Variants in C12orf57 observed in about 807,000 individuals in gnomAD.
The protein encoded by C12orf57 is chromosome 12 open reading frame 57, also known as protein C10.
In C12orf57, 14 loss-of-function variants were observed where a neutral mutation model predicts 11.3. The observed-to-expected ratio is 1.24, with a 90% CI of 0.82 to 1.94. The LOEUF is 1.94. C12orf57 is among the 30% of genes most tolerant of loss of function. The pLI, the probability that C12orf57 is intolerant of heterozygous loss-of-function variation, is 0.00. For missense variants in C12orf57, 229 were observed against 172.4 expected (o/e 1.33, Z -1.84); for synonymous variants, 100 against 74.6 (o/e 1.34, Z -1.76).
At chr12:6,943,877 C>A (rs148496170), upstream of C12orf57, 18 of 994,916 alleles carry the variant, frequency 1.8e-5, no homozygotes, top group Middle Eastern at 6.6e-4. Flanking sequence ...CGGAAAGCCC[C>A]TCTTATGATG....
upstream of C12orf57, chr12:6,943,846 G>C (rs190235178): frequency 2.7e-5 from 24 of 902,024 alleles, no homozygotes; most frequent in Admixed American, 1.6e-4. Context: ...AATTTGTCTA[G>C]TAGGCTTTCT....
chr12:6,943,825 A>G (rs906666170), upstream of C12orf57: 6 of 853,868 alleles, frequency 7.0e-6, no homozygotes, highest in South Asian at 3.6e-5. Context: ...GCAGTGTTAC[A>G]GCTCTTTTAG....
chr12:6,945,884 C>G lies in C12orf57; in HGVS notation c.343C>G (p.His115Asp), dbSNP rs1265704398. Residue 115 changes from histidine (H) to aspartate (D), a missense_variant, in exon 3 of 3, where the codon CAT becomes GAT. Transcript: ENST00000229281. ...LFLPPMTLPPHGPAAGGSVAA... is the reference protein window; with the variant it reads ...LFLPPMTLPPDGPAAGGSVAA... ...TCTGCCGCCCATGACCCTGCCACCCCATGGGCCTGCTGCTGGTGGCAGCGT... is the reference window on the plus strand; with the variant it reads ...TCTGCCGCCCATGACCCTGCCACCCGATGGGCCTGCTGCTGGTGGCAGCGT... The G allele has an allele frequency of 1.2e-6, 2 of 1,613,380 alleles. No individual in the cohort carries two copies. Among genetic ancestry groups the G allele is most frequent in the Admixed American group, 3.3e-5 (2 of 59,970 alleles).
At chr12:6,944,801 GC>G in intron 2 of C12orf57, 149 bp downstream of exon 2, 1 of 1,497,626 alleles carries the variant, frequency 6.7e-7, no homozygotes, top group Non-Finnish European at 8.9e-7. Context: ...GGCACTCAGA[GC>G]CCAGGGTCTA....
chr12:6,943,882 A>C (rs1022366860), upstream of C12orf57: 1 of 1,011,990 alleles, frequency 9.9e-7, no homozygotes. Flanking sequence ...AGCCCCTCTT[A>C]TGATGTTTGT....
intron 1 of C12orf57, 99 bp downstream of exon 1, chr12:6,944,272 C>G (rs1945732038): frequency 7.5e-6 from 12 of 1,604,966 alleles, no homozygotes; most frequent in Non-Finnish European, 1.0e-5. Flanking sequence ...TGTGGGGCGA[C>G]AAACCTGGCT....
chr12:6,943,885 A>T (rs183990197), upstream of C12orf57: 153 of 1,027,548 alleles, frequency 1.5e-4, no homozygotes, highest in African/African-American at 2.3e-3. Context: ...CCCTCTTATG[A>T]TGTTTGTTGC....
chr12:6,943,892 T>C (rs192476192), upstream of C12orf57: 196 of 1,068,370 alleles, frequency 1.8e-4, no homozygotes, highest in African/African-American at 1.0e-3. Flanking sequence ...ATGATGTTTG[T>C]TGCCAATGAT....
Position 6,945,993 on chromosome 12 carries a change from C to G in C12orf57, c.*71C>G, listed in dbSNP as rs1012789471. ...ATGTTCCAGACAATAATAAATGCGC[C>G]TGTGACTTAGCCTTGGTGTCAGTCT... On this transcript the variant is annotated 3_prime_UTR_variant, in exon 3 of 3. Coordinates refer to ENST00000229281, the MANE Select transcript of C12orf57 (RefSeq NM_138425.4). The G allele has an allele frequency of 2.0e-6, 3 of 1,524,412 alleles. No individual in the cohort carries two copies. Among genetic ancestry groups the G allele is most frequent in the East Asian group, 2.4e-5 (1 of 41,532 alleles). 94.4% of individuals were successfully genotyped at this position (1,524,412 alleles called of 1,614,324 possible). A position where few individuals can be genotyped will look rare whatever the true frequency, so the allele number is the denominator to read the frequency against.
chr12:6,943,851 C>T (rs116861153), upstream of C12orf57: 2,730 of 900,868 alleles, frequency 3.0e-3, 15 homozygotes, highest in African/African-American at 0.014. Flanking sequence ...GTCTAGTAGG[C>T]TTTCTGGCTT....
At position 6,944,548 on chromosome 12, in the gene C12orf57, A is replaced by G; in HGVS notation, c.125A>G (p.Asn42Ser). 1 of 1,614,086 alleles carries G rather than the reference A, an allele frequency of 6.2e-7. No individual in the cohort carries two copies. The highest frequency in any genetic ancestry group is 2.2e-5 in the East Asian group (1 of 44,884). The change falls in exon 2 of 3, where the codon AAC becomes AGC. Residue 42 changes from asparagine to serine, a missense_variant. Physicochemically the swap from Asn to Ser is conservative, Grantham distance 46. Coordinates refer to ENST00000229281, the MANE Select transcript of C12orf57 (RefSeq NM_138425.4). ...GTGCGCATGGACGAGGCTCGGGATA[A>G]CGCCTGCAACGACATGGGTAAGATG... is the stretch of plus-strand genomic sequence containing the variant. ...NAVRMDEARD[N>S]ACNDMGKMLQ... is the part of the protein sequence containing the mutation.
At chr12:6,945,035 C>T (rs1203057550) in intron 2 of C12orf57, 1 of 429,576 alleles carries the variant, frequency 2.3e-6, no homozygotes, top group Non-Finnish European at 3.9e-6. Context: ...ATATAATAGT[C>T]TGAATAATTT....
chr12:6,944,959 A>C (rs1555146243), intron 2 of C12orf57: 1 of 999,142 alleles, frequency 1.0e-6, no homozygotes. Context: ...TGGGACCTAA[A>C]TCTGAACACG....
chr12:6,943,850 G>C (rs1055698058), upstream of C12orf57: 2 of 895,912 alleles, frequency 2.2e-6, no homozygotes, highest in African/African-American at 1.7e-5. Flanking sequence ...TGTCTAGTAG[G>C]CTTTCTGGCT....
rs373179163 is a variant in C12orf57 at position 6,944,096 on chromosome 12, G to A, written c.-26G>A. On this transcript the variant is annotated 5_prime_UTR_variant, in exon 1 of 3. Transcript: ENST00000229281. ...ATTCGTGAGTTTTCCATTTACCTCC[G>A]CTGAACCTAGAGCTTCAGACGCCCT... 191 of 1,614,118 alleles carry A rather than the reference G, an allele frequency of 1.2e-4. 1 individual carries two copies. In the African/African-American group the frequency reaches 1.8e-3, roughly 15 times the overall value.
In C12orf57 at chr12:6,944,814, C is replaced by T. The variant is rs983199589; in HGVS notation, c.229+162C>T. On this transcript the variant is annotated intron_variant, in intron 2 of 2. Transcript: ENST00000229281. Reference sequence around the variant, plus strand: ...TTGGCACTCAGAGCCCAGGGTCTACCCTGAGCTTGTGCGTCCGAGTTGCGT... The same window carrying T: ...TTGGCACTCAGAGCCCAGGGTCTACTCTGAGCTTGTGCGTCCGAGTTGCGT... 6 of 1,463,338 alleles carry T rather than the reference C, an allele frequency of 4.1e-6. No individual in the cohort carries two copies. The African/African-American group carries it at 4.3e-5, about 10-fold the overall frequency. 90.6% of individuals were successfully genotyped at this position (1,463,338 alleles called of 1,614,324 possible). A position where few individuals can be genotyped will look rare whatever the true frequency, so the allele number is the denominator to read the frequency against.
chr12:6,945,742 A>G (rs781886883), intron 2 of C12orf57, 29 bp from the exon 3 acceptor site: 1 of 1,610,998 alleles, frequency 6.2e-7, no homozygotes, highest in Non-Finnish European at 8.5e-7. Flanking sequence ...TCCTTAGGAG[A>G]AGGGTTGACC....
intron 1 of C12orf57, 43 bp from the exon 2 acceptor site, chr12:6,944,433 A>G (rs1555145957): frequency 3.1e-6 from 5 of 1,595,144 alleles, no homozygotes; most frequent in Non-Finnish European, 4.3e-6. Flanking sequence ...CTGTTCTCCG[A>G]CGCCTACCCG....
At chr12:6,943,988 G>A (rs782394220), upstream of C12orf57, 37 of 1,586,498 alleles carry the variant, frequency 2.3e-5, no homozygotes, top group Middle Eastern at 1.8e-4. Flanking sequence ...TTTGGGCCAC[G>A]CCTGGGCGCT....
Sources: allele counts gnomAD v4.1 joint callset, GRCh38; gene constraint gnomAD v4.1.1; transcripts MANE v1.5; gene names NCBI Gene and HGNC (gene_info 2026-07-23, HGNC 2026-07-21).